The following ERAP1 variants were observed in gnomAD, a reference collection of about 807,000 sequenced individuals.
ERAP1 encodes adipocyte-derived leucine aminopeptidase.
ERAP1 carries 86 observed loss-of-function variants against 103.7 expected under a neutral mutation model. The observed-to-expected ratio is 0.83, with a 90% CI of 0.70 to 0.99. The LOEUF (loss-of-function observed/expected upper bound fraction) is 0.99, where lower values mean the gene tolerates loss of function less well. ERAP1 is among the 50% of genes least tolerant of loss of function. The pLI, the probability that ERAP1 is intolerant of heterozygous loss-of-function variation, is 0.00. For synonymous variants in ERAP1, 398 were observed against 402.4 expected, an observed-to-expected ratio of 0.99 and a Z score of 0.13; for missense variants, 1,009 against 1,128.4, an observed-to-expected ratio of 0.89 and a Z score of 1.52.
chr5:96,934,963 G>A, the ERAP1 span: 1 of 152,322 alleles, frequency 6.6e-6, no homozygotes, highest in Non-Finnish European at 1.5e-5. Flanking sequence ...GGTTCCCGAC[G>A]AGCCTCCTCG....
At position 96,782,910 on chromosome 5, in the gene ERAP1, T is replaced by C. The variant is rs571232986; in HGVS notation, c.2285+141A>G. 1,223 of 853,804 alleles carry C rather than the reference T, an allele frequency of 1.4e-3. 3 individuals are homozygous for C. Among genetic ancestry groups the C allele is most frequent in the Non-Finnish European group, 2.0e-3 (1,043 of 528,476 alleles). The allele number at this position is 853,804 out of a possible 1,614,324, so 52.9% of individuals were successfully genotyped here. ...AAGTTACGAGATACATAGATAAATC[T>C]TAAAAAGCAATTTATTTTCCAGAAA... On this transcript the variant is annotated intron_variant, in intron 15 of 18. Transcript: ENST00000443439.
chr5:96,770,168 A>G (rs182537976), downstream of ERAP1: 46 of 226,758 alleles, frequency 2.0e-4, no homozygotes, highest in Middle Eastern at 1.7e-3. Context: ...GCCCATACCA[A>G]TCTACATCCC....
At chr5:96,844,198 C>T in the ERAP1 span, among the ~76,000 whole-genome samples, 4 of 152,174 alleles carry the variant, frequency 2.6e-5, no homozygotes, top group African/African-American at 9.7e-5. Flanking sequence ...TAATATAATT[C>T]AGTGATATGA....
intron 3 of ERAP1, among the ~76,000 whole-genome samples, chr5:96,799,148 G>A (rs1777701134): frequency 2.0e-5 from 3 of 151,964 alleles, no homozygotes; most frequent in African/African-American, 7.2e-5. Context: ...TTACAGTCAT[G>A]AGCCACCACA....
chr5:96,883,917 C>T, the ERAP1 span: 87 of 1,605,976 alleles, frequency 5.4e-5, no homozygotes, highest in South Asian at 9.5e-4. Context: ...ATTGCACTAT[C>T]CAACATGCCA....
At chr5:96,795,688 G>A (rs1484944687) in intron 4 of ERAP1, among the ~76,000 whole-genome samples, 1 of 152,194 alleles carries the variant, frequency 6.6e-6, no homozygotes, top group Non-Finnish European at 1.5e-5. Flanking sequence ...CTTTCTCAAG[G>A]AAACTACAAG....
At chr5:96,915,543 T>TGTTA in the ERAP1 span, 2 of 421,796 alleles carry the variant, frequency 4.7e-6, no homozygotes, top group Non-Finnish European at 8.2e-6. Flanking sequence ...ACTGGATGAA[T>TGTTA]GTTATTATGG....
chr5:96,772,946 T>G (rs552967865), downstream of ERAP1: 1 of 154,018 alleles, frequency 6.5e-6, no homozygotes, highest in African/African-American at 2.4e-5. Context: ...AAAGAAAAGC[T>G]AAGTGAATTT....
chr5:96,886,579 A>T, the ERAP1 span: 1 of 1,298,582 alleles, frequency 7.7e-7, no homozygotes, highest in East Asian at 2.6e-5. Context: ...CCTCTAACTC[A>T]CCTGCCATAA....
the ERAP1 span, among the ~76,000 whole-genome samples, chr5:96,857,133 G>A: frequency 6.6e-6 from 1 of 152,184 alleles, no homozygotes; most frequent in Non-Finnish European, 1.5e-5. Context: ...TGCTTAGGAT[G>A]TGACCTCCAC....
chr5:96,831,359 C>T, the ERAP1 span, among the ~76,000 whole-genome samples: 1 of 152,210 alleles, frequency 6.6e-6, no homozygotes, highest in African/African-American at 2.4e-5. Flanking sequence ...CCACCTCCAA[C>T]ACTGGGGATT....
intron 10 of ERAP1, among the ~76,000 whole-genome samples, chr5:96,789,214 C>T (rs369025283): frequency 5.9e-5 from 9 of 152,146 alleles, no homozygotes; most frequent in Non-Finnish European, 8.8e-5. Context: ...AGGCTGGGCG[C>T]GGTGGCTCAT....
rs1776016835 is a variant in ERAP1 at position 96,786,495 on chromosome 5, A to G, written c.1734T>C (p.His578=). Residue 578 remains histidine, a synonymous_variant, in exon 12 of 19, where the codon CAT becomes CAC. Transcript: ENST00000443439. ...CTGTTTTTGTTTTTAGCAAAAATCGATGGACCATGTCGGATTTGCTGGTGA... is the reference window on the plus strand; with the variant it reads ...CTGTTTTTGTTTTTAGCAAAAATCGGTGGACCATGTCGGATTTGCTGGTGA... The part of the protein sequence containing the change: ...TFITSKSDMV[H]RFLLKTKTDV... The G allele has an allele frequency of 1.9e-6, 3 of 1,612,922 alleles. No individual in the cohort carries two copies. The highest frequency in any genetic ancestry group is 2.5e-6 in the Non-Finnish European group (3 of 1,179,376).
chr5:96,899,241 C>T, the ERAP1 span, among the ~76,000 whole-genome samples: 1 of 127,516 alleles, frequency 7.8e-6, no homozygotes, highest in African/African-American at 2.9e-5. Context: ...CTTCTAAGTC[C>T]AATAGTTATT....
the ERAP1 span, chr5:96,889,607 TAG>T: frequency 1.5e-6 from 1 of 659,938 alleles, no homozygotes; most frequent in East Asian, 2.5e-5. Context: ...GGAAGCCAGG[TAG>T]AGGGTCCAGG....
the ERAP1 span, among the ~76,000 whole-genome samples, chr5:96,883,130 C>A: frequency 1.3e-5 from 2 of 152,136 alleles, no homozygotes; most frequent in Admixed American, 6.6e-5. Context: ...AACAATGGTA[C>A]AAGAATATGA....
chr5:96,892,500 T>C, the ERAP1 span: 4 of 1,605,844 alleles, frequency 2.5e-6, no homozygotes, highest in South Asian at 2.2e-5. Flanking sequence ...CAAAATAACA[T>C]TATATAGAAC....
chr5:96,827,584 G>A, the ERAP1 span, among the ~76,000 whole-genome samples: 2 of 152,170 alleles, frequency 1.3e-5, no homozygotes, highest in Non-Finnish European at 2.9e-5. Flanking sequence ...AGAACTGCTT[G>A]AACCCAGGAG....
At chr5:96,786,887 T>A (rs1042016979) in intron 11 of ERAP1, 1 of 234,102 alleles carries the variant, frequency 4.3e-6, no homozygotes, top group Non-Finnish European at 8.6e-6. Context: ...GGACACAATA[T>A]CACCTCCTTG....
Sources: allele counts gnomAD v4.1 joint callset (sites outside exome capture counted in the v4.1 genomes callset), GRCh38; gene constraint gnomAD v4.1.1; transcripts MANE v1.5; gene names NCBI Gene and HGNC (gene_info 2026-07-23, HGNC 2026-07-21).